Variants in TMEM14C observed in about 807,000 individuals in gnomAD.
TMEM14C encodes transmembrane protein 14C.
A neutral mutation model predicts 14.8 loss-of-function variants in TMEM14C; 13 were observed. The ratio of observed to expected loss-of-function variants is 0.88; its 90% confidence interval spans 0.57 to 1.40. TMEM14C has a LOEUF of 1.40. Among genes scored for constraint, TMEM14C ranks in the 40% most tolerant of loss-of-function variants. The pLI is 0.00. For missense variants in TMEM14C, 142 were observed against 138.8 expected (o/e 1.02, Z -0.12); for synonymous variants, 57 against 51.3 (o/e 1.11, Z -0.48).
intron 4 of TMEM14C, among the ~76,000 whole-genome samples, chr6:10,727,821 A>T (rs981064539): frequency 6.6e-6 from 1 of 151,354 alleles, no homozygotes; most frequent in Non-Finnish European, 1.5e-5. Flanking sequence ...ACTCTGTCTC[A>T]AAAATTAAAA....
chr6:10,728,541 G>T (rs2127488914), intron 4 of TMEM14C, 99 bp from the exon 5 acceptor site: 3 of 1,241,912 alleles, frequency 2.4e-6, no homozygotes, highest in East Asian at 4.7e-5. Flanking sequence ...ATAGGATGAG[G>T]CGTGAGCCTT....
chr6:10,724,454 G>T, intron 1 of TMEM14C, 116 bp from the exon 2 acceptor site: 1 of 674,382 alleles, frequency 1.5e-6, no homozygotes, highest in Non-Finnish European at 2.7e-6. Flanking sequence ...TTATCCTCAT[G>T]GTACAGTGAA....
chr6:10,725,976 C>T lies in TMEM14C; in HGVS notation c.167C>T (p.Ser56Phe). 5 of 1,614,138 alleles carry T rather than the reference C, an allele frequency of 3.1e-6. No homozygotes were observed. Among genetic ancestry groups the T allele is most frequent in the Non-Finnish European group, 4.2e-6 (5 of 1,180,020 alleles). The change falls in exon 4 of 6, where the codon TCT becomes TTT. Residue 56 changes from serine (S) to phenylalanine (F), a missense_variant. Physicochemically the swap from Ser to Phe is radical, Grantham distance 155 (BLOSUM62 -2). Transcript: ENST00000229563. ...SLAGLGAYQL[S>F]QDPRNVWVFL... ...GCCGGCCTGGGTGCTTACCAGCTGT[C>T]TCAGGATCCAAGGAACGTTTGGGTT...
chr6:10,726,796 G>A (rs1048430825), intron 4 of TMEM14C, among the ~76,000 whole-genome samples: 1 of 152,248 alleles, frequency 6.6e-6, no homozygotes, highest in Non-Finnish European at 1.5e-5. Flanking sequence ...TATCAGAGTG[G>A]CTTTCAGTAC....
At chr6:10,727,167 C>G (rs577639609) in intron 4 of TMEM14C, among the ~76,000 whole-genome samples, 1 of 152,238 alleles carries the variant, frequency 6.6e-6, no homozygotes, top group East Asian at 1.9e-4. Context: ...CCAAGCCTCC[C>G]CTCGTCCTGT....
At chr6:10,724,088 G>A (rs1770777996) in intron 1 of TMEM14C, among the ~76,000 whole-genome samples, 1 of 152,214 alleles carries the variant, frequency 6.6e-6, no homozygotes, top group Non-Finnish European at 1.5e-5. Context: ...AGAACTGTGA[G>A]TTGGACGCAG....
rs1007146282 is a variant in TMEM14C, at chr6:10,729,113, G to T, written c.287+386G>T. 9.2e-5 allele frequency among the ~76,000 whole-genome samples: 14 copies of T among 152,078 alleles called. 1 individual carries two copies. Among genetic ancestry groups the T allele is most frequent in the African/African-American group, 3.4e-4 (14 of 41,420 alleles). On this transcript the variant is annotated intron_variant, in intron 5 of 5. Transcript: ENST00000229563. ...GAAAATTTTGCTAAAAGAGAATTTT[G>T]ATTGAATCCTGTTTTCTATTTTTTG...
rs550606911 is a variant in TMEM14C at position 10,730,996 on chromosome 6, C to T, written c.*330C>T. On this transcript the variant is annotated 3_prime_UTR_variant, in exon 6 of 6. Coordinates refer to ENST00000229563, the MANE Select transcript of TMEM14C (RefSeq NM_016462.4). ...GGGCTCTGAAACCCCATTCCCTGCT[C>T]TGAGGAACAGTGTGAAAAAAAGTCT... The T allele has an allele frequency of 5.9e-6, 6 of 1,016,106 alleles. No homozygotes were observed. Among genetic ancestry groups the T allele is most frequent in the Admixed American group, 5.7e-5 (1 of 17,518 alleles). 62.9% of individuals were successfully genotyped at this position (1,016,106 alleles called of 1,614,324 possible).
chr6:10,724,638 G>T lies in TMEM14C; in HGVS notation c.20+5G>T. ...AATGCAGGACACTGGCTCAGTGTGA[G>T]TGCAGTAAATGGGTATGGAGTAGCC... is the stretch of plus-strand genomic sequence containing the variant. On this transcript the variant is annotated splice_donor_5th_base_variant and intron_variant, in intron 2 of 5. Transcript: ENST00000229563. 6.2e-7 allele frequency: 1 copy of T among 1,611,992 alleles called. No homozygotes were observed. The highest frequency in any genetic ancestry group is 1.3e-5 in the African/African-American group (1 of 75,016).
intron 5 of TMEM14C, among the ~76,000 whole-genome samples, chr6:10,729,046 T>G (rs60955150): frequency 0.028 from 4,268 of 152,254 alleles, 199 homozygotes; most frequent in African/African-American, 0.096. Flanking sequence ...CATGGAAGAT[T>G]TGGGGGCCCC....
In TMEM14C at chr6:10,725,848, T is replaced by C. The variant is rs1040057999; in HGVS notation, c.98-59T>C. 5.0e-6 allele frequency: 8 copies of C among 1,605,894 alleles called. No individual in the cohort carries two copies. The African/African-American group carries it at 1.1e-4, about 21-fold the overall frequency. On this transcript the variant is annotated intron_variant, in intron 3 of 5. Transcript: ENST00000229563. ...CTTTGTAGGGCAGCGGTCTGGGGGA[T>C]TCCGTTAGTGAAATAAGTGCCTGAC...
chr6:10,728,880 C>T, intron 5 of TMEM14C, 153 bp downstream of exon 5: 1 of 1,502,584 alleles, frequency 6.7e-7, no homozygotes. Context: ...GTTTCAAAAA[C>T]AATAGCTAGT....
In TMEM14C at chr6:10,724,605, A is replaced by G. The variant is rs1263512612; in HGVS notation, c.-9A>G. On this transcript the variant is annotated 5_prime_UTR_variant, in exon 2 of 6. Transcript: ENST00000229563. ...GGGGTAGTCTCCTGTCTGGACAGAG[A>G]AGAGAAAAATGCAGGACACTGGCTC... is the stretch of plus-strand genomic sequence containing the variant. 6.2e-7 allele frequency: 1 copy of G among 1,612,808 alleles called. No homozygotes were observed. The highest frequency in any genetic ancestry group is 8.5e-7 in the Non-Finnish European group (1 of 1,179,334).
chr6:10,726,480 A>G (rs1770864466), intron 4 of TMEM14C, among the ~76,000 whole-genome samples: 1 of 152,218 alleles, frequency 6.6e-6, no homozygotes, highest in Non-Finnish European at 1.5e-5. Flanking sequence ...TTACAAGGTG[A>G]GAAGTTCGAG....
At chr6:10,727,741 A>G (rs563077960) in intron 4 of TMEM14C, among the ~76,000 whole-genome samples, 6 of 152,032 alleles carry the variant, frequency 3.9e-5, no homozygotes, top group African/African-American at 1.4e-4. Flanking sequence ...GAATTGCTTG[A>G]TCCCAGGAGG....
At chr6:10,727,170 C>A (rs756995602) in intron 4 of TMEM14C, among the ~76,000 whole-genome samples, 1 of 152,182 alleles carries the variant, frequency 6.6e-6, no homozygotes, top group African/African-American at 2.4e-5. Context: ...AGCCTCCCCT[C>A]GTCCTGTTTC....
intron 3 of TMEM14C, among the ~76,000 whole-genome samples, chr6:10,725,478 C>T (rs1310317509): frequency 6.6e-6 from 1 of 152,122 alleles, no homozygotes; most frequent in African/African-American, 2.4e-5. Context: ...CCACCCCAAC[C>T]CCTGCACCAG....
chr6:10,730,880 C>A lies in TMEM14C; in HGVS notation c.*214C>A. 8.2e-7 allele frequency: 1 copy of A among 1,223,144 alleles called. No individual in the cohort carries two copies. Among genetic ancestry groups the A allele is most frequent in the South Asian group, 2.9e-5 (1 of 34,826 alleles). The allele number at this position is 1,223,144 out of a possible 1,614,324, so 75.8% of individuals were successfully genotyped here. ...TAACACAAGAGCTTAATAAGACCCT[C>A]ATAGAGCTTGATTCTTGTATATTGA... On this transcript the variant is annotated 3_prime_UTR_variant, in exon 6 of 6. Coordinates refer to ENST00000229563, the MANE Select transcript of TMEM14C (RefSeq NM_016462.4).
rs1770814657 is a variant in TMEM14C at position 10,725,022 on chromosome 6, G to A, written c.82G>A (p.Gly28Ser). 7 of 1,614,158 alleles carry A rather than the reference G, an allele frequency of 4.3e-6. No individual in the cohort carries two copies. Among genetic ancestry groups the A allele is most frequent in the Non-Finnish European group, 5.9e-6 (7 of 1,180,034 alleles). ...ACTGGTTGCTTCTGGTGGGATCATTGGCTATGTAAAAGCAGGTAGGGTTTT... is the reference window on the plus strand; with the variant it reads ...ACTGGTTGCTTCTGGTGGGATCATTAGCTATGTAAAAGCAGGTAGGGTTTT... ...AALVASGGII[G>S]YVKAGSVPSL... The change falls in exon 3 of 6, where the codon GGC becomes AGC. Residue 28 changes from glycine to serine, a missense_variant. By Grantham distance (56) the Gly-to-Ser change is moderately conservative (BLOSUM62 0). Coordinates refer to ENST00000229563, the MANE Select transcript of TMEM14C (RefSeq NM_016462.4).
Sources: allele counts gnomAD v4.1 joint callset (sites outside exome capture counted in the v4.1 genomes callset), GRCh38; gene constraint gnomAD v4.1.1; transcripts MANE v1.5; gene names NCBI Gene and HGNC (gene_info 2026-07-23, HGNC 2026-07-21).